PTPN21: variants seen among roughly 807,000 people sequenced by gnomAD.
PTPN21 encodes the protein protein tyrosine phosphatase non-receptor type 21.
Under a neutral mutation model 131.8 loss-of-function variants are expected in PTPN21, and 77 were observed. That is an observed-to-expected ratio of 0.58 (90% CI 0.49 to 0.71). PTPN21 has a LOEUF of 0.71. PTPN21 is among the 30% of genes least tolerant of loss of function. The probability of loss-of-function intolerance (pLI) is 0.00; values close to 1 mark genes in which losing one functional copy is unlikely to be tolerated. For synonymous variants in PTPN21, 715 were observed against 621.3 expected (o/e 1.15, Z -2.24); for missense variants, 1,552 against 1,527.1 (o/e 1.02, Z -0.27).
chr14:88,482,237 A>G (rs2077662402), intron 12 of PTPN21, among the ~76,000 whole-genome samples: 1 of 152,200 alleles, frequency 6.6e-6, no homozygotes, highest in Non-Finnish European at 1.5e-5. Flanking sequence ...AGAGTGTCAG[A>G]TAGCTACAGA....
chr14:88,469,445 CTGTT>C lies in PTPN21; in HGVS notation c.3235+50_3235+53del. On this transcript the variant is annotated intron_variant, in intron 17 of 18. Coordinates refer to ENST00000556564, the MANE Select transcript of PTPN21 (RefSeq NM_007039.4). This position sits in a 1 kb window ranked among gnomAD's most constrained non-coding sequence, Gnocchi z 4.3. ...ATTTCGGAAACATAAATGTTCCTCT[CTGTT>C]TAACACCTCCAGAGGCAGCTGTCCT... The C allele has an allele frequency of 7.1e-7, 1 of 1,405,536 alleles. No homozygotes were observed. The highest frequency in any genetic ancestry group is 1.0e-6 in the Non-Finnish European group (1 of 993,566). 87.1% of individuals were successfully genotyped at this position (1,405,536 alleles called of 1,614,324 possible).
intron 2 of PTPN21, among the ~76,000 whole-genome samples, chr14:88,536,686 G>A (rs532431063): frequency 5.3e-5 from 8 of 152,282 alleles, no homozygotes; most frequent in Non-Finnish European, 1.2e-4. Context: ...GTAGAGCAGA[G>A]GGACACAGAA....
intron 3 of PTPN21, 131 bp from the exon 4 acceptor site, chr14:88,508,151 T>TC (rs1491314006): frequency 6.5e-5 from 4 of 61,284 alleles, no homozygotes; most frequent in Non-Finnish European, 1.3e-4. Context: ...GTTGTGTGTG[T>TC]TTTTTTTTTT....
chr14:88,501,065 T>C, intron 7 of PTPN21, 194 bp from the exon 8 acceptor site: 1 of 642,380 alleles, frequency 1.6e-6, no homozygotes, highest in Non-Finnish European at 2.8e-6. Context: ...TTGGCCCTCC[T>C]TAGGAACTCT....
chr14:88,548,308 A>G lies in PTPN21; in HGVS notation c.180+1930T>C, dbSNP rs373698583. Among the ~76,000 whole-genome samples the G allele has an allele frequency of 2.2e-3, 336 of 152,236 alleles. 2 individuals carry two copies. Among genetic ancestry groups the G allele is most frequent in the Middle Eastern group, 3.4e-3 (1 of 294 alleles). ...ATAAATCTAAATCCTTTAACAAAAA[A>G]TCCTCATTGTGTGGCCCTTACAGTC... On this transcript the variant is annotated intron_variant, in intron 2 of 18. Transcript: ENST00000556564.
intron 2 of PTPN21, among the ~76,000 whole-genome samples, chr14:88,537,680 T>C (rs1205644384): frequency 6.6e-6 from 1 of 152,212 alleles, no homozygotes; most frequent in Admixed American, 6.5e-5. Context: ...TCAACATGTT[T>C]TTAAAGAGTA....
intron 5 of PTPN21, 152 bp downstream of exon 5, chr14:88,505,152 C>G: frequency 1.7e-6 from 1 of 602,320 alleles, no homozygotes; most frequent in East Asian, 2.9e-5. Context: ...ACAGGGAAAG[C>G]AGTCACACTT....
chr14:88,537,516 G>GT lies in PTPN21; in HGVS notation c.180+12721_180+12722insA, dbSNP rs1289206065. On this transcript the variant is annotated intron_variant, in intron 2 of 18. Transcript: ENST00000556564. ...CTACTACATGTCAATCACTGTTCTG[G>GT]GAACTAGGAATACAGCATTGAACAT... 1.7e-4 allele frequency among the ~76,000 whole-genome samples: 26 copies of GT among 152,146 alleles called. 1 individual carries two copies. In the Middle Eastern group the frequency reaches 0.01, roughly 60 times the overall value.
chr14:88,488,761 T>C (rs1265429548), intron 10 of PTPN21, among the ~76,000 whole-genome samples: 1 of 152,138 alleles, frequency 6.6e-6, no homozygotes, highest in Admixed American at 6.5e-5. Context: ...ATGGCTGTAG[T>C]GCACTACGAT....
At chr14:88,497,117 G>A in intron 9 of PTPN21, 86 bp downstream of exon 9, 1 of 1,036,762 alleles carries the variant, frequency 9.6e-7, no homozygotes, top group South Asian at 1.3e-5. Flanking sequence ...ATGCTGCCCT[G>A]CCTCCAAACA....
intron 6 of PTPN21, 122 bp from the exon 7 acceptor site, chr14:88,501,490 G>A (rs2078006979): frequency 5.8e-6 from 5 of 855,588 alleles, no homozygotes; most frequent in Non-Finnish European, 9.4e-6. Context: ...ACGTTTCTAA[G>A]CATCTATAAT....
At chr14:88,523,598 G>A in intron 2 of PTPN21, among the ~76,000 whole-genome samples, 1 of 152,076 alleles carries the variant, frequency 6.6e-6, no homozygotes, top group Non-Finnish European at 1.5e-5. Flanking sequence ...GTTCTAACCA[G>A]AGCAATTAGG....
At chr14:88,476,208 C>T (rs191808289) in intron 13 of PTPN21, among the ~76,000 whole-genome samples, 39 of 152,216 alleles carry the variant, frequency 2.6e-4, no homozygotes, top group Non-Finnish European at 4.7e-4. Context: ...TTTGTTGTAA[C>T]GATTAAGATA....
intron 15 of PTPN21, 142 bp from the exon 16 acceptor site, chr14:88,470,192 T>C: frequency 1.4e-6 from 1 of 725,844 alleles, no homozygotes; most frequent in South Asian, 2.0e-5. Context: ...TTCAGCAGAA[T>C]AAGGAAAGAC....
Position 88,505,309 on chromosome 14 carries a change from G to A in PTPN21, c.511C>T (p.Pro171Ser), listed in dbSNP as rs772533436. 6.2e-7 allele frequency: 1 copy of A among 1,603,450 alleles called. No individual in the cohort carries two copies. Among genetic ancestry groups the A allele is most frequent in the Non-Finnish European group, 8.5e-7 (1 of 1,171,598 alleles). ...AGTGTCAAAAGAAGTCTTACCACAGGAAACAAGGCAAATTTCTGAAGAAAG... is the reference window on the plus strand; with the variant it reads ...AGTGTCAAAAGAAGTCTTACCACAGAAAACAAGGCAAATTTCTGAAGAAAG... ...QDFLQKFALF[P>S]VGWLQDEKVL... The change falls in exon 5 of 19, where the codon CCT becomes TCT. Residue 171 changes from proline to serine, a missense_variant. Coordinates refer to ENST00000556564, the MANE Select transcript of PTPN21 (RefSeq NM_007039.4).
rs909701054 is a variant in PTPN21, at chr14:88,466,187, G to C, written c.*1950C>G. On this transcript the variant is annotated 3_prime_UTR_variant, in exon 19 of 19. Coordinates refer to ENST00000556564, the MANE Select transcript of PTPN21 (RefSeq NM_007039.4). ...CTGAATATTTTCACTTAGTTCTACT[G>C]TTCTTTAAACAGGACTTTAAAAAGA... The C allele has an allele frequency of 3.3e-5, 5 of 152,016 alleles. No individual in the cohort carries two copies. Among genetic ancestry groups the C allele is most frequent in the African/African-American group, 1.2e-4 (5 of 41,384 alleles). The allele number at this position is 152,016 out of a possible 1,614,324, so 9.4% of individuals were successfully genotyped here.
intron 3 of PTPN21, among the ~76,000 whole-genome samples, chr14:88,513,087 A>G (rs2078210129): frequency 6.6e-6 from 1 of 152,194 alleles, no homozygotes; most frequent in African/African-American, 2.4e-5. Context: ...GTGAGCAATG[A>G]GGTTTTTTTT....
At chr14:88,498,574 G>A (rs1347714266) in intron 8 of PTPN21, among the ~76,000 whole-genome samples, 1 of 152,192 alleles carries the variant, frequency 6.6e-6, no homozygotes, top group Non-Finnish European at 1.5e-5. Flanking sequence ...AGATTAGTGA[G>A]TTACAGTGCT....
chr14:88,527,429 C>T (rs538119104), intron 2 of PTPN21, among the ~76,000 whole-genome samples: 37 of 152,180 alleles, frequency 2.4e-4, no homozygotes, highest in South Asian at 1.2e-3. Flanking sequence ...GTTTTCCATA[C>T]GTTTCTGGGC....
Sources: allele counts gnomAD v4.1 joint callset (sites outside exome capture counted in the v4.1 genomes callset), GRCh38; gene constraint gnomAD v4.1.1; non-coding constraint Gnocchi (gnomAD v3.1); transcripts MANE v1.5; gene names NCBI Gene and HGNC (gene_info 2026-07-23, HGNC 2026-07-21).